Variants in DMD observed in about 807,000 individuals in gnomAD.
DMD encodes the protein dystrophin, also known as mutant dystrophin.
In DMD, 63 loss-of-function variants were observed where a neutral mutation model predicts 330.1. That is an observed-to-expected ratio of 0.19 (90% CI 0.16 to 0.24). DMD has a LOEUF of 0.24. Among genes scored for constraint, DMD ranks in the 10% least tolerant of loss-of-function variants. The probability of loss-of-function intolerance (pLI) is 1.00; values close to 1 mark genes in which losing one functional copy is unlikely to be tolerated. For missense variants in DMD, 3,344 were observed against 2,684.1 expected, an observed-to-expected ratio of 1.25 and a Z score of -5.43; for synonymous variants, 1,223 against 959.8, an observed-to-expected ratio of 1.27 and a Z score of -5.07.
intron 1 of DMD, among the ~76,000 whole-genome samples, chrX:33,091,537 C>A (rs1384767925): frequency 8.9e-6 from 1 of 111,978 alleles, no homozygotes; most frequent in African/African-American, 3.2e-5. Context: ...GTCTTTATAA[C>A]CTCTATACAT....
chrX:31,492,877 G>A (rs1323246154), intron 57 of DMD, among the ~76,000 whole-genome samples: 1 of 108,703 alleles, frequency 9.2e-6, no homozygotes, highest in African/African-American at 3.4e-5. Context: ...GCCTGTCAGG[G>A]GGTGGGGGGC....
At chrX:31,781,813 T>C (rs1167225111) in intron 50 of DMD, among the ~76,000 whole-genome samples, 1 of 111,237 alleles carries the variant, frequency 9.0e-6, no homozygotes, top group Non-Finnish European at 1.9e-5. Context: ...CCCTCCTAGA[T>C]GTACAACCAA....
chrX:31,154,274 T>C (rs1426973528), intron 74 of DMD, among the ~76,000 whole-genome samples: 2 of 108,261 alleles, frequency 1.8e-5, no homozygotes, highest in Non-Finnish European at 3.8e-5. Flanking sequence ...AGGTAAGTTA[T>C]TCTAATGTTT....
chrX:32,002,053 C>T (rs1243241599), intron 44 of DMD, among the ~76,000 whole-genome samples: 4 of 111,807 alleles, frequency 3.6e-5, no homozygotes, highest in Non-Finnish European at 5.7e-5. Context: ...ATCTCCTGCT[C>T]ATCATGATGG....
intron 18 of DMD, among the ~76,000 whole-genome samples, chrX:32,505,763 A>T (rs1569564996): frequency 8.9e-6 from 1 of 112,277 alleles, no homozygotes; most frequent in African/African-American, 3.2e-5. Context: ...GATGTTCTTC[A>T]GTAGATGAAT....
rs769528414 is a variant in DMD, at chrX:31,864,436, G to C, written c.7098+10752C>G. On this transcript the variant is annotated intron_variant, in intron 48 of 78. Coordinates refer to ENST00000357033, the MANE Select transcript of DMD (RefSeq NM_004006.3). ...CTCATGACCATCTACTCCCTTTTTT[G>C]GAGTGTTTTTCTGGTACCAACTTGC... 2.9e-4 allele frequency among the ~76,000 whole-genome samples: 31 copies of C among 106,031 alleles called. 1 individual carries two copies. The South Asian group carries it at 9.2e-3, about 31-fold the overall frequency. The allele number at this position is 106,031 out of a possible 115,157, so 92.1% of individuals were successfully genotyped here. A position where few individuals can be genotyped will look rare whatever the true frequency, so the allele number is the denominator to read the frequency against.
intron 1 of DMD, among the ~76,000 whole-genome samples, chrX:33,058,447 G>A (rs1212439623): frequency 1.0e-5 from 1 of 95,750 alleles, no homozygotes; most frequent in African/African-American, 4.1e-5. Context: ...ACCATGTCAG[G>A]CTAATTTTGA....
intron 1 of DMD, among the ~76,000 whole-genome samples, chrX:33,190,201 T>C (rs1437069805): frequency 9.2e-6 from 1 of 109,077 alleles, no homozygotes; most frequent in African/African-American, 3.3e-5. Flanking sequence ...TATTATAAAA[T>C]CTGTCTCACA....
chrX:33,220,652 T>C (rs193240301), intron 1 of DMD, among the ~76,000 whole-genome samples: 57 of 112,068 alleles, frequency 5.1e-4, no homozygotes, highest in African/African-American at 1.7e-3. Flanking sequence ...TTATCACTAT[T>C]GCTTGTCATT....
intron 44 of DMD, among the ~76,000 whole-genome samples, chrX:32,202,169 C>T (rs1423189954): frequency 9.0e-6 from 1 of 111,127 alleles, no homozygotes; most frequent in Non-Finnish European, 1.9e-5. Context: ...GAGCACCGTG[C>T]AGTATAGTCT....
In DMD at chrX:32,266,060, C is replaced by T. The variant is rs987643384; in HGVS notation, c.6290+21469G>A. ...GATATGGTTTGGCTATGTCCCCACC[C>T]AAATCTCATTCTGAATTGTAGTTCC... On this transcript the variant is annotated intron_variant, in intron 43 of 78. Coordinates refer to ENST00000357033, the MANE Select transcript of DMD (RefSeq NM_004006.3). Among the ~76,000 whole-genome samples, 3 of 111,624 alleles carry T rather than the reference C, an allele frequency of 2.7e-5. No homozygotes were observed. The Admixed American group carries it at 2.9e-4, about 11-fold the overall frequency.
intron 44 of DMD, among the ~76,000 whole-genome samples, chrX:32,183,066 C>G (rs1372502219): frequency 9.0e-6 from 1 of 111,718 alleles, no homozygotes; most frequent in Non-Finnish European, 1.9e-5. Flanking sequence ...TTTCTGAACA[C>G]CTTGTCCCAA....
intron 59 of DMD, among the ~76,000 whole-genome samples, chrX:31,447,275 T>C (rs2065350288): frequency 1.0e-5 from 1 of 96,309 alleles, no homozygotes; most frequent in Non-Finnish European, 2.1e-5. Flanking sequence ...TTTTTTTTTT[T>C]TTTTTTTTTT....
At chrX:32,764,497 T>C (rs182224485) in intron 7 of DMD, among the ~76,000 whole-genome samples, 79 of 111,434 alleles carry the variant, frequency 7.1e-4, no homozygotes, top group Admixed American at 2.4e-3. Context: ...CATTCTACTT[T>C]ATCTATGCAT....
At chrX:31,873,861 ATTCTGGGTG>A (rs779755488) in intron 48 of DMD, among the ~76,000 whole-genome samples, 6 of 111,675 alleles carry the variant, frequency 5.4e-5, no homozygotes, top group Admixed American at 1.9e-4. Flanking sequence ...TCTCATTCGT[ATTCTGGGTG>A]TCTTGGTACT....
chrX:32,346,447 A>T (rs1316141536), intron 38 of DMD, among the ~76,000 whole-genome samples: 1 of 111,534 alleles, frequency 9.0e-6, no homozygotes, highest in Non-Finnish European at 1.9e-5. Flanking sequence ...TATCATTTAT[A>T]ATGTTAACTG....
chrX:31,226,656 G>A (rs1361696037), intron 63 of DMD, among the ~76,000 whole-genome samples: 1 of 110,511 alleles, frequency 9.0e-6, no homozygotes, highest in African/African-American at 3.3e-5. Context: ...TTTTTAAGTG[G>A]TCTCAGCCAA....
chrX:32,771,164 A>G (rs1307965117), intron 7 of DMD, among the ~76,000 whole-genome samples: 3 of 112,040 alleles, frequency 2.7e-5, no homozygotes, highest in African/African-American at 9.7e-5. Context: ...GTTACTTTAA[A>G]CTGGATTAGC....
At chrX:32,754,849 A>G (rs1195396535) in intron 7 of DMD, 1 of 111,644 alleles carries the variant, frequency 9.0e-6, no homozygotes, top group Non-Finnish European at 1.9e-5. Flanking sequence ...GATGGCTCCC[A>G]CTATCATTGT....
Sources: gnomAD v4.1 joint callset for allele counts (sites outside exome capture counted in the v4.1 genomes callset) on GRCh38, gnomAD v4.1.1 for gene constraint, MANE v1.5 for transcripts, NCBI Gene and HGNC (gene_info 2026-07-23, HGNC 2026-07-21) for gene names.